The following FRMD4A variants were observed in gnomAD, a reference collection of about 807,000 sequenced individuals.
FRMD4A encodes FERM domain containing 4A.
A neutral mutation model predicts 129.1 loss-of-function variants in FRMD4A; 29 were observed. That is an observed-to-expected ratio of 0.22 (90% CI 0.17 to 0.31). FRMD4A has a LOEUF of 0.31. FRMD4A is among the 10% of genes least tolerant of loss of function. The probability of loss-of-function intolerance (pLI) is 1.00; values close to 1 mark genes in which losing one functional copy is unlikely to be tolerated. For missense variants in FRMD4A, 1,272 were observed against 1,375.8 expected, an observed-to-expected ratio of 0.92 and a Z score of 1.19; for synonymous variants, 634 against 571.6, an observed-to-expected ratio of 1.11 and a Z score of -1.56.
Position 13,659,412 on chromosome 10 carries a change from G to A in FRMD4A, c.1977C>T (p.Ile659=). 1.9e-6 allele frequency: 3 copies of A among 1,614,078 alleles called. No individual in the cohort carries two copies. The highest frequency in any genetic ancestry group is 1.7e-6 in the Non-Finnish European group (2 of 1,179,972). Residue 659 remains isoleucine, a synonymous_variant, in exon 21 of 25, where the codon ATC becomes ATT. Transcript: ENST00000357447. ...GGSNSLQNSP[I]RGLPHWNSQS... ...GGGAGTTCCAGTGCGGGAGGCCGCG[G>A]ATGGGGCTGTTCTGCAAGGAGTTGC...
chr10:13,985,576 T>A (rs2095578147), intron 2 of FRMD4A, among the ~76,000 whole-genome samples: 1 of 152,112 alleles, frequency 6.6e-6, no homozygotes, highest in South Asian at 2.1e-4. Flanking sequence ...CTTTTAGATG[T>A]GAAGAAGGGC....
At chr10:14,042,858 C>T (rs929027838) in intron 2 of FRMD4A, among the ~76,000 whole-genome samples, 1 of 139,102 alleles carries the variant, frequency 7.2e-6, no homozygotes, top group African/African-American at 2.7e-5. Flanking sequence ...CCTAGCTACT[C>T]GGGACGCTGT....
At chr10:13,960,669 C>A (rs2095440702) in intron 2 of FRMD4A, among the ~76,000 whole-genome samples, 1 of 152,188 alleles carries the variant, frequency 6.6e-6, no homozygotes, top group Non-Finnish European at 1.5e-5. Flanking sequence ...CTCCTAACGC[C>A]ATGCTAAGCT....
intron 2 of FRMD4A, among the ~76,000 whole-genome samples, chr10:14,273,883 G>A (rs1845249270): frequency 1.3e-5 from 2 of 152,184 alleles, no homozygotes; most frequent in South Asian, 4.1e-4. Flanking sequence ...ACTTACTAGT[G>A]CAGGGCACTG....
intron 2 of FRMD4A, among the ~76,000 whole-genome samples, chr10:14,136,421 G>T (rs1352231123): frequency 6.6e-6 from 1 of 152,128 alleles, no homozygotes; most frequent in Non-Finnish European, 1.5e-5. Flanking sequence ...TCTTCACAGG[G>T]ACAGAAAGTT....
intron 3 of FRMD4A, among the ~76,000 whole-genome samples, chr10:13,832,693 C>T (rs930658359): frequency 6.6e-6 from 1 of 152,172 alleles, no homozygotes; most frequent in Non-Finnish European, 1.5e-5. Flanking sequence ...CCAAGCACAC[C>T]CCTAGGGGAC....
intron 11 of FRMD4A, among the ~76,000 whole-genome samples, chr10:13,739,866 G>A (rs979359907): frequency 1.3e-5 from 2 of 152,324 alleles, no homozygotes; most frequent in African/African-American, 2.4e-5. Context: ...TTGGGAGGCC[G>A]AGGCAGGCAG....
At chr10:13,798,711 C>T (rs1310504509) in intron 4 of FRMD4A, among the ~76,000 whole-genome samples, 4 of 152,108 alleles carry the variant, frequency 2.6e-5, no homozygotes, top group Non-Finnish European at 4.4e-5. Context: ...AGCGAGACTC[C>T]GTCTCATAAA....
At chr10:14,290,955 T>C (rs946358705) in intron 2 of FRMD4A, among the ~76,000 whole-genome samples, 1 of 152,094 alleles carries the variant, frequency 6.6e-6, no homozygotes, top group East Asian at 1.9e-4. Flanking sequence ...TACCCCAGTG[T>C]AATTACTGGA....
intron 2 of FRMD4A, among the ~76,000 whole-genome samples, chr10:14,060,377 A>T (rs1463717108): frequency 6.6e-6 from 1 of 152,182 alleles, no homozygotes; most frequent in Non-Finnish European, 1.5e-5. Flanking sequence ...AACTCTATGA[A>T]ATAGGTACTA....
At position 13,928,554 on chromosome 10, in the gene FRMD4A, A is replaced by C. The variant is rs932560571; in HGVS notation, c.46-69642T>G. Among the ~76,000 whole-genome samples, 6 of 152,296 alleles carry C rather than the reference A, an allele frequency of 3.9e-5. No individual in the cohort carries two copies. In the South Asian group the frequency reaches 6.2e-4, roughly 16 times the overall value. On this transcript the variant is annotated intron_variant, in intron 2 of 24. Coordinates refer to ENST00000357447, the MANE Select transcript of FRMD4A (RefSeq NM_018027.5). Reference sequence around the variant, plus strand: ...TAAAGACCCTTACTAGAAGACTAGCAGTTGGTTTTTTAACTTAGCTGCTCT... The same window carrying C: ...TAAAGACCCTTACTAGAAGACTAGCCGTTGGTTTTTTAACTTAGCTGCTCT...
chr10:13,889,119 A>G (rs926947280), intron 2 of FRMD4A, among the ~76,000 whole-genome samples: 2 of 152,264 alleles, frequency 1.3e-5, no homozygotes, highest in Non-Finnish European at 1.5e-5. Flanking sequence ...ATATTCATGC[A>G]GTAAAGGCAG....
intron 2 of FRMD4A, among the ~76,000 whole-genome samples, chr10:14,239,309 T>G (rs944580627): frequency 6.6e-6 from 1 of 152,184 alleles, no homozygotes; most frequent in East Asian, 1.9e-4. Flanking sequence ...AACAAAAAGT[T>G]TTGTTGAGAA....
intron 2 of FRMD4A, among the ~76,000 whole-genome samples, chr10:13,940,355 T>A (rs79555808): frequency 0.027 from 4,141 of 152,168 alleles, 126 homozygotes; most frequent in East Asian, 0.13. Context: ...ATATGTCAAC[T>A]GTTGCAGTGT....
chr10:13,849,228 G>T (rs776016241), intron 3 of FRMD4A, among the ~76,000 whole-genome samples: 38 of 152,176 alleles, frequency 2.5e-4, no homozygotes, highest in Non-Finnish European at 5.0e-4. Flanking sequence ...GAGTCCCTCT[G>T]TCTGCTCCCA....
chr10:14,106,677 C>A (rs1259168606), intron 2 of FRMD4A, among the ~76,000 whole-genome samples: 1 of 152,104 alleles, frequency 6.6e-6, no homozygotes, highest in Non-Finnish European at 1.5e-5. Context: ...CTCAGAAAAG[C>A]AAAATCACCA....
intron 2 of FRMD4A, among the ~76,000 whole-genome samples, chr10:14,032,474 A>G (rs1010868783): frequency 6.6e-6 from 1 of 152,216 alleles, no homozygotes; most frequent in Admixed American, 6.5e-5. Flanking sequence ...AAAACAAAGC[A>G]TTATCACCCC....
At chr10:13,703,448 T>C (rs1219728507) in intron 13 of FRMD4A, among the ~76,000 whole-genome samples, 1 of 152,164 alleles carries the variant, frequency 6.6e-6, no homozygotes, top group East Asian at 1.9e-4. Context: ...CCACAGGGAA[T>C]GGTGCAATCA....
At chr10:14,027,235 G>A (rs1031220036) in intron 2 of FRMD4A, among the ~76,000 whole-genome samples, 36 of 152,258 alleles carry the variant, frequency 2.4e-4, no homozygotes, top group African/African-American at 7.7e-4. Flanking sequence ...AGACCTTGGA[G>A]AAGAGCTATT....
Sources: gnomAD v4.1 joint callset for allele counts (sites outside exome capture counted in the v4.1 genomes callset) on GRCh38, gnomAD v4.1.1 for gene constraint, MANE v1.5 for transcripts, NCBI Gene and HGNC (gene_info 2026-07-23, HGNC 2026-07-21) for gene names.